Variants in SIAH3 observed in about 807,000 individuals in gnomAD.
SIAH3 encodes the protein seven in absentia homolog 3.
Under a neutral mutation model 12.6 loss-of-function variants are expected in SIAH3, and 9 were observed. The ratio of observed to expected loss-of-function variants is 0.72; its 90% CI spans 0.43 to 1.25. The LOEUF (loss-of-function observed/expected upper bound fraction) is 1.25, where lower values mean the gene tolerates loss of function less well. Among genes scored for constraint, SIAH3 ranks in the 50% most tolerant of loss-of-function variants. The probability of loss-of-function intolerance (pLI) is 0.00; values close to 1 mark genes in which losing one functional copy is unlikely to be tolerated. For missense variants in SIAH3, 390 were observed against 365.4 expected (o/e 1.07, Z -0.55); for synonymous variants, 154 against 151.1 (o/e 1.02, Z -0.14).
chr13:45,827,203 T>C (rs958418940), intron 1 of SIAH3, among the ~76,000 whole-genome samples: 5 of 152,156 alleles, frequency 3.3e-5, no homozygotes, highest in African/African-American at 1.2e-4. Flanking sequence ...TGACAAAGCT[T>C]TTGCTTTCCT....
chr13:45,792,092 C>A (rs925294543), intron 1 of SIAH3, among the ~76,000 whole-genome samples: 3 of 152,186 alleles, frequency 2.0e-5, no homozygotes, highest in East Asian at 3.8e-4. Context: ...GCTGGAATTC[C>A]CTACCCAGTG....
At chr13:45,803,888 C>T (rs941073265) in intron 1 of SIAH3, among the ~76,000 whole-genome samples, 3 of 151,990 alleles carry the variant, frequency 2.0e-5, no homozygotes, top group African/African-American at 7.3e-5. Flanking sequence ...AAGAAAACTC[C>T]TAATAAAAAA....
At chr13:45,791,047 C>T (rs1366068500) in intron 1 of SIAH3, among the ~76,000 whole-genome samples, 1 of 152,048 alleles carries the variant, frequency 6.6e-6, no homozygotes, top group Non-Finnish European at 1.5e-5. Context: ...CAGCTGTGGT[C>T]CCAGCTACTC....
intron 1 of SIAH3, among the ~76,000 whole-genome samples, chr13:45,788,912 G>A (rs949123149): frequency 5.3e-5 from 8 of 152,328 alleles, no homozygotes; most frequent in African/African-American, 1.7e-4. Context: ...AGTGGGGAAG[G>A]CAGCAATGCT....
chr13:45,838,834 C>T (rs963384461), intron 1 of SIAH3, among the ~76,000 whole-genome samples: 2 of 151,868 alleles, frequency 1.3e-5, no homozygotes, highest in African/African-American at 4.8e-5. Context: ...GGACACAGTC[C>T]CTCCTTTCTC....
intron 1 of SIAH3, among the ~76,000 whole-genome samples, chr13:45,801,516 C>G (rs1284966492): frequency 6.6e-6 from 1 of 152,230 alleles, no homozygotes; most frequent in Non-Finnish European, 1.5e-5. Context: ...TTGATTGGTT[C>G]CATGTCCTGG....
At chr13:45,793,108 C>T (rs578166495) in intron 1 of SIAH3, among the ~76,000 whole-genome samples, 6 of 152,314 alleles carry the variant, frequency 3.9e-5, no homozygotes, top group Admixed American at 6.5e-5. Context: ...GAGATTGTCC[C>T]GCCACCTCGG....
At chr13:45,791,190 A>G (rs1950544634) in intron 1 of SIAH3, among the ~76,000 whole-genome samples, 3 of 151,964 alleles carry the variant, frequency 2.0e-5, no homozygotes, top group African/African-American at 7.3e-5. Flanking sequence ...AAAAAAGAAA[A>G]TCACTAATTG....
intron 1 of SIAH3, among the ~76,000 whole-genome samples, chr13:45,840,908 C>T (rs1048871595): frequency 6.6e-6 from 1 of 152,100 alleles, no homozygotes. Context: ...AGATTTTTGA[C>T]CTTTTTCTGT....
At chr13:45,802,735 T>C (rs997350834) in intron 1 of SIAH3, among the ~76,000 whole-genome samples, 1 of 152,134 alleles carries the variant, frequency 6.6e-6, no homozygotes, top group African/African-American at 2.4e-5. Flanking sequence ...CAAATTAATA[T>C]GCATTAGGCT....
At position 45,783,604 on chromosome 13, in the gene SIAH3, C is replaced by A. The variant is rs761008566; in HGVS notation, c.589G>T (p.Asp197Tyr). 6.2e-7 allele frequency: 1 copy of A among 1,614,156 alleles called. No individual in the cohort carries two copies. The highest frequency in any genetic ancestry group is 2.2e-5 in the East Asian group (1 of 44,882). The change falls in exon 2 of 2, where the codon GAC (aspartate) becomes TAC (tyrosine). Residue 197 changes from aspartate (D) to tyrosine (Y), a missense_variant. Transcript: ENST00000400405. ...MMLIGTPTQA[D>Y]CFTYRLELNR... ...AGCTCCAGGCGATAGGTGAAGCAGT[C>A]GGCCTGGGTGGGGGTCCCAATCAGC...
intron 1 of SIAH3, among the ~76,000 whole-genome samples, chr13:45,798,997 T>C (rs1464383760): frequency 6.6e-6 from 1 of 152,184 alleles, no homozygotes; most frequent in East Asian, 1.9e-4. Flanking sequence ...TCACGACAAG[T>C]AGTCCAAATG....
chr13:45,831,126 C>T (rs947251818), intron 1 of SIAH3, among the ~76,000 whole-genome samples: 1 of 151,654 alleles, frequency 6.6e-6, no homozygotes, highest in Non-Finnish European at 1.5e-5. Flanking sequence ...TTGCAGTGAG[C>T]CGAGATCGGG....
chr13:45,847,621 T>TTGTGTGTG (rs1451283350), intron 1 of SIAH3, among the ~76,000 whole-genome samples: 2 of 60,308 alleles, frequency 3.3e-5, no homozygotes, highest in East Asian at 6.1e-4. Context: ...CTCCATGTGT[T>TTGTGTGTG]CGTGTGTGTG....
intron 1 of SIAH3, among the ~76,000 whole-genome samples, chr13:45,796,882 GAC>G (rs1361705050): frequency 6.6e-6 from 1 of 152,164 alleles, no homozygotes; most frequent in Admixed American, 6.5e-5. Flanking sequence ...GTGTTTTATT[GAC>G]TCTAAATCTT....
chr13:45,794,530 C>T (rs576346218), intron 1 of SIAH3, among the ~76,000 whole-genome samples: 11 of 152,136 alleles, frequency 7.2e-5, no homozygotes, highest in East Asian at 3.9e-4. Context: ...GGGAGGGACC[C>T]GGTGGGAGGT....
Position 45,777,745 on chromosome 13 carries a change from CTCAA to C in SIAH3, c.*5634_*5637del, listed in dbSNP as rs1950489512. 6.6e-6 allele frequency: 1 copy of C among 152,208 alleles called. No homozygotes were observed. Among genetic ancestry groups the C allele is most frequent in the Non-Finnish European group, 1.5e-5 (1 of 68,050 alleles). 9.4% of individuals were successfully genotyped at this position (152,208 alleles called of 1,614,324 possible). A position where few individuals can be genotyped will look rare whatever the true frequency, so the allele number is the denominator to read the frequency against. On this transcript the variant is annotated 3_prime_UTR_variant, in exon 2 of 2. Transcript: ENST00000400405. ...CTCATGATGCTATTTGCAGCTGAACCTCAATCAAAGCCTAACTCTTTGGGGTCCC... is the reference window on the plus strand; with the variant it reads ...CTCATGATGCTATTTGCAGCTGAACCTCAAAGCCTAACTCTTTGGGGTCCC...
chr13:45,840,725 G>T (rs1271800262), intron 1 of SIAH3, among the ~76,000 whole-genome samples: 1 of 152,208 alleles, frequency 6.6e-6, no homozygotes, highest in East Asian at 1.9e-4. Flanking sequence ...CAGGGTCCCA[G>T]CTCAGCGTTT....
chr13:45,793,912 G>A (rs1458917299), intron 1 of SIAH3, among the ~76,000 whole-genome samples: 1 of 152,204 alleles, frequency 6.6e-6, no homozygotes, highest in Non-Finnish European at 1.5e-5. Context: ...TAAATCCAAG[G>A]ACAGTGTTCT....
Sources: gnomAD v4.1 joint callset for allele counts (sites outside exome capture counted in the v4.1 genomes callset) on GRCh38, gnomAD v4.1.1 for gene constraint, MANE v1.5 for transcripts, NCBI Gene and HGNC (gene_info 2026-07-23, HGNC 2026-07-21) for gene names.